NR2C2: variants seen among roughly 807,000 people sequenced by gnomAD.
NR2C2 encodes Nuclear hormone receptor TR4.
In NR2C2, 6 loss-of-function variants were observed where a neutral mutation model predicts 62.9. The observed-to-expected ratio is 0.10, with a 90% CI of 0.05 to 0.19. NR2C2 has a LOEUF of 0.19. Among genes scored for constraint, NR2C2 ranks in the 10% least tolerant of loss-of-function variants. NR2C2 has a pLI of 1.00. For missense variants in NR2C2, 479 were observed against 762.7 expected, an observed-to-expected ratio of 0.63 and a Z score of 4.38; for synonymous variants, 272 against 273.8, an observed-to-expected ratio of 0.99 and a Z score of 0.07.
intron 1 of NR2C2, among the ~76,000 whole-genome samples, chr3:14,993,704 A>C (rs978576074): frequency 6.6e-6 from 1 of 152,114 alleles, no homozygotes; most frequent in African/African-American, 2.4e-5. Context: ...TTCCAGAGTT[A>C]GTCGTCTTTT....
intron 4 of NR2C2, among the ~76,000 whole-genome samples, chr3:15,017,569 C>CT (rs2041545874): frequency 6.6e-6 from 1 of 152,178 alleles, no homozygotes; most frequent in Admixed American, 6.5e-5. Flanking sequence ...ATCTGCTTGG[C>CT]TTCCCCATTT....
At chr3:14,983,457 C>G (rs554268979) in intron 1 of NR2C2, among the ~76,000 whole-genome samples, 100 of 112,540 alleles carry the variant, frequency 8.9e-4, no homozygotes, top group Admixed American at 1.3e-3. Flanking sequence ...GGATTATACT[C>G]TTTATACACA....
intron 7 of NR2C2, among the ~76,000 whole-genome samples, chr3:15,025,179 G>A (rs1238391051): frequency 3.3e-5 from 5 of 152,224 alleles, no homozygotes; most frequent in Admixed American, 2.0e-4. Flanking sequence ...CAGAGAAAGC[G>A]TAAGCCTGAA....
intron 1 of NR2C2, among the ~76,000 whole-genome samples, chr3:14,997,725 T>C (rs942892813): frequency 6.6e-5 from 10 of 152,172 alleles, no homozygotes; most frequent in Non-Finnish European, 1.3e-4. Flanking sequence ...AAATGTATGC[T>C]TATGAAAGAA....
chr3:14,995,267 A>G (rs1319815720), intron 1 of NR2C2, among the ~76,000 whole-genome samples: 1 of 149,632 alleles, frequency 6.7e-6, no homozygotes, highest in East Asian at 2.0e-4. Flanking sequence ...TATATTTACA[A>G]TATTGTGCAG....
intron 1 of NR2C2, among the ~76,000 whole-genome samples, chr3:14,949,145 G>A (rs924894976): frequency 2.0e-5 from 3 of 152,214 alleles, no homozygotes; most frequent in African/African-American, 7.2e-5. Flanking sequence ...TGGAGAACCA[G>A]CTGTACAAGA....
intron 1 of NR2C2, among the ~76,000 whole-genome samples, chr3:14,999,060 T>G (rs2124898241): frequency 6.6e-6 from 1 of 152,290 alleles, no homozygotes; most frequent in South Asian, 2.1e-4. Context: ...CTCACGCCTG[T>G]AATCCCAGCA....
intron 2 of NR2C2, among the ~76,000 whole-genome samples, chr3:15,011,360 A>G (rs1383555572): frequency 6.6e-6 from 1 of 152,154 alleles, no homozygotes; most frequent in Non-Finnish European, 1.5e-5. Flanking sequence ...AAAAGAATTG[A>G]TAGACATATG....
intron 1 of NR2C2, among the ~76,000 whole-genome samples, chr3:14,980,750 G>A (rs1329771349): frequency 6.6e-6 from 1 of 152,186 alleles, no homozygotes; most frequent in Non-Finnish European, 1.5e-5. Flanking sequence ...TGTGAAGAAA[G>A]GTTAACGATG....
intron 1 of NR2C2, among the ~76,000 whole-genome samples, chr3:14,955,431 C>G (rs781110833): frequency 1.3e-5 from 2 of 151,866 alleles, no homozygotes; most frequent in Non-Finnish European, 2.9e-5. Flanking sequence ...TCTTTCCTGT[C>G]ACTTTTTTTT....
At chr3:15,012,288 G>A (rs956280709) in intron 2 of NR2C2, among the ~76,000 whole-genome samples, 2 of 151,618 alleles carry the variant, frequency 1.3e-5, no homozygotes, top group Admixed American at 6.6e-5. Flanking sequence ...GTGCAGTGGC[G>A]CAATCTCAGC....
In NR2C2 at chr3:15,043,611, G is replaced by T; in HGVS notation, c.*603G>T. On this transcript the variant is annotated 3_prime_UTR_variant, in exon 14 of 14. Coordinates refer to ENST00000425241, the MANE Select transcript of NR2C2 (RefSeq NM_001291694.2). ...TTCCTAATTGTGTGCACATGTTGTGGAGTTGAGCTGAATTCTGTGAATGGA... is the reference window on the plus strand; with the variant it reads ...TTCCTAATTGTGTGCACATGTTGTGTAGTTGAGCTGAATTCTGTGAATGGA... 1 of 152,778 alleles carries T rather than the reference G, an allele frequency of 6.5e-6. No individual in the cohort carries two copies. The highest frequency in any genetic ancestry group is 1.5e-5 in the Non-Finnish European group (1 of 68,044). The allele number at this position is 152,778 out of a possible 1,614,324, so 9.5% of individuals were successfully genotyped here. A position where few individuals can be genotyped will look rare whatever the true frequency, so the allele number is the denominator to read the frequency against.
chr3:14,967,350 T>C (rs2039887573), intron 1 of NR2C2, among the ~76,000 whole-genome samples: 2 of 152,078 alleles, frequency 1.3e-5, no homozygotes, highest in Admixed American at 1.3e-4. Flanking sequence ...ATTTTCTGTT[T>C]CTTTAATTTT....
chr3:14,977,786 G>A (rs746585489), intron 1 of NR2C2, among the ~76,000 whole-genome samples: 1 of 151,860 alleles, frequency 6.6e-6, no homozygotes, highest in African/African-American at 2.4e-5. Context: ...GCAACATGGC[G>A]AAACCCCGTC....
rs1295199902 is a variant in NR2C2, at chr3:15,034,719, A to G, written c.1282A>G (p.Thr428Ala). 1 of 1,613,878 alleles carries G rather than the reference A, an allele frequency of 6.2e-7. No individual in the cohort carries two copies. The highest frequency in any genetic ancestry group is 1.3e-5 in the African/African-American group (1 of 74,872). The change falls in exon 11 of 14, where the codon ACC becomes GCC. Residue 428 changes from threonine to alanine, a missense_variant. By Grantham distance (58) the Thr-to-Ala change is moderately conservative (BLOSUM62 0). Coordinates refer to ENST00000425241, the MANE Select transcript of NR2C2 (RefSeq NM_001291694.2). ...GCGGGCCTGCTGGAATGAGCTCTTCACCCTCGGCCTGGCCCAGTGTGCCCA... is the reference window on the plus strand; with the variant it reads ...GCGGGCCTGCTGGAATGAGCTCTTCGCCCTCGGCCTGGCCCAGTGTGCCCA... Reference protein sequence around the residue: ...LVRACWNELFTLGLAQCAQVM... With the variant: ...LVRACWNELFALGLAQCAQVM...
intron 1 of NR2C2, among the ~76,000 whole-genome samples, chr3:14,982,082 A>G (rs1202690280): frequency 6.6e-6 from 1 of 152,114 alleles, no homozygotes; most frequent in Non-Finnish European, 1.5e-5. Flanking sequence ...TCAGGTTGAC[A>G]CTTAATATCA....
chr3:15,024,230 C>T, intron 7 of NR2C2, 22 bp downstream of exon 7: 2 of 1,506,988 alleles, frequency 1.3e-6, no homozygotes, highest in Non-Finnish European at 1.8e-6. Context: ...TACTCATGCT[C>T]TCTCTCATCC....
intron 5 of NR2C2, among the ~76,000 whole-genome samples, chr3:15,022,398 C>CCTTT (rs1194260332): frequency 2.2e-5 from 2 of 89,142 alleles, no homozygotes; most frequent in African/African-American, 8.0e-5. Flanking sequence ...CTTTTTCTTT[C>CCTTT]TTTTTTTTTT....
At chr3:15,016,053 C>T in intron 3 of NR2C2, 99 bp from the exon 4 acceptor site, 1 of 855,102 alleles carries the variant, frequency 1.2e-6, no homozygotes. Context: ...CCACCCACCT[C>T]AGCCTCCCAA....
Sources: gnomAD v4.1 joint callset for allele counts (sites outside exome capture counted in the v4.1 genomes callset) on GRCh38, gnomAD v4.1.1 for gene constraint, MANE v1.5 for transcripts, NCBI Gene and HGNC (gene_info 2026-07-23, HGNC 2026-07-21) for gene names.